DOCK1: variants seen among roughly 807,000 people sequenced by gnomAD.
DOCK1 encodes the protein dedicator of cytokinesis protein 1.
A neutral mutation model predicts 262.7 loss-of-function variants in DOCK1; 138 were observed. The observed-to-expected ratio is 0.53, with a 90% CI of 0.46 to 0.61. The LOEUF is 0.61. Among genes scored for constraint, DOCK1 ranks in the 20% least tolerant of loss-of-function variants. The pLI is 0.00. For synonymous variants in DOCK1, 866 were observed against 867.4 expected, an observed-to-expected ratio of 1.00 and a Z score of 0.03; for missense variants, 1,908 against 2,370.7, an observed-to-expected ratio of 0.80 and a Z score of 4.05.
chr10:126,971,338 C>T (rs953046310), intron 2 of DOCK1, among the ~76,000 whole-genome samples: 1 of 152,104 alleles, frequency 6.6e-6, no homozygotes, highest in African/African-American at 2.4e-5. Flanking sequence ...CAGGTGTGGT[C>T]CACTCTGCCT....
At chr10:127,239,920 T>C (rs1425195412) in intron 27 of DOCK1, among the ~76,000 whole-genome samples, 1 of 152,210 alleles carries the variant, frequency 6.6e-6, no homozygotes, top group Non-Finnish European at 1.5e-5. Flanking sequence ...TATTTGATTA[T>C]AATTTATTTT....
rs999405559 is a variant in DOCK1 at position 127,422,339 on chromosome 10, G to C, written c.4776+2590G>C. Among the ~76,000 whole-genome samples, 4 of 151,562 alleles carry C rather than the reference G, an allele frequency of 2.6e-5. No homozygotes were observed. In the South Asian group the frequency reaches 8.4e-4, roughly 32 times the overall value. ...GTGCCACCACACCTGGCTAATTTTT[G>C]TATTTTTGGTAGAGATGGGGTTTCA... On this transcript the variant is annotated intron_variant, in intron 46 of 51. Transcript: ENST00000623213.
chr10:127,210,364 G>A (rs184554990), intron 27 of DOCK1, among the ~76,000 whole-genome samples: 30 of 152,258 alleles, frequency 2.0e-4, no homozygotes, highest in African/African-American at 6.3e-4. Flanking sequence ...GGTGGCAGGC[G>A]GCATTAGAGG....
At chr10:127,313,965 A>G (rs1025380324) in intron 29 of DOCK1, among the ~76,000 whole-genome samples, 8 of 152,108 alleles carry the variant, frequency 5.3e-5, no homozygotes, top group South Asian at 2.1e-4. Context: ...TTCTGTTCAG[A>G]TGCTTTGTGT....
At chr10:126,922,457 T>C (rs1364855979) in intron 1 of DOCK1, among the ~76,000 whole-genome samples, 2 of 152,078 alleles carry the variant, frequency 1.3e-5, no homozygotes, top group Non-Finnish European at 2.9e-5. Context: ...CTTTTAGTTT[T>C]AGAATAATGA....
At chr10:126,980,929 G>C (rs1171635043) in intron 3 of DOCK1, among the ~76,000 whole-genome samples, 2 of 151,228 alleles carry the variant, frequency 1.3e-5, no homozygotes, top group Non-Finnish European at 2.9e-5. Context: ...TGCTTGCTCA[G>C]AAAGCAGGAC....
intron 29 of DOCK1, among the ~76,000 whole-genome samples, chr10:127,303,477 T>C (rs1295045236): frequency 6.6e-6 from 1 of 152,014 alleles, no homozygotes; most frequent in Non-Finnish European, 1.5e-5. Context: ...TTAGTTTTAT[T>C]ACTCAACACT....
chr10:127,329,736 C>A (rs746820418), intron 29 of DOCK1, among the ~76,000 whole-genome samples: 3 of 152,124 alleles, frequency 2.0e-5, no homozygotes. Context: ...CTGCTAAATC[C>A]GTCAACATTT....
rs753116576 is a variant in DOCK1, at chr10:127,418,414, A to G, written c.4565A>G (p.Asn1522Ser). The G allele has an allele frequency of 2.4e-5, 38 of 1,613,840 alleles. No individual in the cohort carries two copies. The highest frequency in any genetic ancestry group is 1.2e-4 in the Admixed American group (7 of 60,000). The change falls in exon 45 of 52, where the codon AAC becomes AGC. Residue 1522 changes from asparagine (N) to serine (S), a missense_variant. Asn to Ser is a conservative substitution (Grantham distance 46, BLOSUM62 1). Coordinates refer to ENST00000623213, the MANE Select transcript of DOCK1 (RefSeq NM_001290223.2). Reference protein sequence around the residue: ...ENAIETMQLTNDKINSMVQQH... With the variant: ...ENAIETMQLTSDKINSMVQQH... ...GCCATTGAGACCATGCAGCTGACGA[A>G]CGACAAGATCAACAGCATGGTGCAG...
intron 51 of DOCK1, among the ~76,000 whole-genome samples, chr10:127,451,088 C>G (rs1299951866): frequency 6.6e-6 from 1 of 152,120 alleles, no homozygotes; most frequent in African/African-American, 2.4e-5. Flanking sequence ...GCAATGGTAC[C>G]TCTCAGGGGC....
At chr10:127,127,619 C>A in intron 26 of DOCK1, 50 bp from the exon 27 acceptor site, 2 of 1,435,576 alleles carry the variant, frequency 1.4e-6, no homozygotes, top group South Asian at 2.4e-5. Context: ...CTGGGGCTTG[C>A]ATGTTAATGT....
chr10:127,060,687 AT>A (rs1197646735), intron 22 of DOCK1, among the ~76,000 whole-genome samples: 1 of 152,240 alleles, frequency 6.6e-6, no homozygotes, highest in Non-Finnish European at 1.5e-5. Flanking sequence ...CTTATTTTCA[AT>A]TAGTAACATA....
chr10:126,991,721 G>T (rs947052202), intron 6 of DOCK1, among the ~76,000 whole-genome samples: 1 of 152,006 alleles, frequency 6.6e-6, no homozygotes, highest in Non-Finnish European at 1.5e-5. Flanking sequence ...TAGAGATGGG[G>T]TTTTTCCATG....
chr10:127,347,503 A>G (rs557169132), intron 31 of DOCK1, among the ~76,000 whole-genome samples: 37 of 152,290 alleles, frequency 2.4e-4, no homozygotes, highest in South Asian at 2.3e-3. Flanking sequence ...CGAGTGCCAA[A>G]GGGCATGGCG....
At chr10:127,143,921 C>T (rs1480861576) in intron 27 of DOCK1, among the ~76,000 whole-genome samples, 1 of 152,144 alleles carries the variant, frequency 6.6e-6, no homozygotes, top group African/African-American at 2.4e-5. Flanking sequence ...AGATCTTTCC[C>T]CCAGCCTGCA....
chr10:127,253,886 A>C lies in DOCK1; in HGVS notation c.2950-3449A>C, dbSNP rs1050336954. ...TGAGACCCTGTCTCAAAAAAAAAAA[A>C]AAAAAAAGGAAACCATGATTCCTGC... On this transcript the variant is annotated intron_variant, in intron 28 of 51. Coordinates refer to ENST00000623213, the MANE Select transcript of DOCK1 (RefSeq NM_001290223.2). Among the ~76,000 whole-genome samples, 326 of 150,958 alleles carry C rather than the reference A, an allele frequency of 2.2e-3. 3 individuals carry two copies. The highest frequency in any genetic ancestry group is 7.5e-3 in the African/African-American group (311 of 41,214).
intron 2 of DOCK1, among the ~76,000 whole-genome samples, chr10:126,976,825 T>G (rs2038578632): frequency 1.3e-5 from 2 of 152,090 alleles, no homozygotes; most frequent in African/African-American, 4.8e-5. Context: ...CCTCTGCCTC[T>G]CGGGTTTAAG....
rs1473310885 is a variant in DOCK1, at chr10:127,023,257, G to A, written c.1385G>A (p.Ser462Asn). ...GTTCAAGGAGATTTTGATAAAGGAAGCAAAACAACAGCGAAGAACGTGGAG... is the reference window on the plus strand; with the variant it reads ...GTTCAAGGAGATTTTGATAAAGGAAACAAAACAACAGCGAAGAACGTGGAG... Reference protein sequence around the residue: ...TLVQGDFDKGSKTTAKNVEVT... With the variant: ...TLVQGDFDKGNKTTAKNVEVT... The change falls in exon 14 of 52, where the codon AGC becomes AAC. Residue 462 changes from serine (S) to asparagine (N), a missense_variant. By Grantham distance (46) the Ser-to-Asn change is conservative. Around this residue, in one of 9 missense-constraint regions of DOCK1, gnomAD observed 294 missense variants for 439.9 expected, o/e 0.67. Coordinates refer to ENST00000623213, the MANE Select transcript of DOCK1 (RefSeq NM_001290223.2). The A allele has an allele frequency of 6.8e-6, 11 of 1,613,934 alleles. No homozygotes were observed. In the Admixed American group the frequency reaches 1.3e-4, roughly 20 times the overall value.
intron 1 of DOCK1, among the ~76,000 whole-genome samples, chr10:126,965,563 C>T (rs1444526433): frequency 1.3e-5 from 2 of 152,042 alleles, no homozygotes; most frequent in African/African-American, 4.8e-5. Context: ...GGAGGGAAGT[C>T]CCAGGATCCC....
Sources: allele counts gnomAD v4.1 joint callset (sites outside exome capture counted in the v4.1 genomes callset), GRCh38; gene constraint gnomAD v4.1.1; regional missense constraint gnomAD v4.1.1; transcripts MANE v1.5; gene names NCBI Gene and HGNC (gene_info 2026-07-23, HGNC 2026-07-21).